PBK: variants seen among roughly 807,000 people sequenced by gnomAD.
The protein encoded by PBK is PDZ binding kinase, also known as lymphokine-activated killer T-cell-originated protein kinase.
PBK carries 22 observed loss-of-function variants against 33.5 expected under a neutral mutation model. That is an observed-to-expected ratio of 0.66 (90% confidence interval 0.47 to 0.94). The LOEUF (loss-of-function observed/expected upper bound fraction) is 0.94. Among genes scored for constraint, PBK ranks in the 40% least tolerant of loss-of-function variants. The pLI is 0.00. For synonymous variants in PBK, 129 were observed against 123.8 expected (o/e 1.04, Z -0.28); for missense variants, 376 against 383.4 (o/e 0.98, Z 0.16).
chr8:27,814,240 T>C (rs1038016658), intron 6 of PBK, among the ~76,000 whole-genome samples: 2 of 152,202 alleles, frequency 1.3e-5, no homozygotes, highest in African/African-American at 4.8e-5. Context: ...GTGGATTTCC[T>C]TTTCTTCCTA....
In PBK at chr8:27,823,061, A is replaced by G. The variant is rs777276596; in HGVS notation, c.295+2T>C. The G allele has an allele frequency of 3.1e-6, 5 of 1,587,680 alleles. No individual in the cohort carries two copies. The South Asian group carries it at 5.6e-5, about 18-fold the overall frequency. Reference sequence around the variant, plus strand: ...AGATACTGCTACCAAATTTAAACGTACCAACAATGTTTGGATGATGAAGGC... The same window carrying G: ...AGATACTGCTACCAAATTTAAACGTGCCAACAATGTTTGGATGATGAAGGC... On this transcript the variant is annotated splice_donor_variant, in intron 4 of 7. Transcript: ENST00000301905. LOFTEE classifies it high-confidence loss of function.
intron 2 of PBK, among the ~76,000 whole-genome samples, chr8:27,829,263 A>G (rs1256823186): frequency 2.0e-5 from 3 of 152,246 alleles, no homozygotes; most frequent in Non-Finnish European, 4.4e-5. Context: ...ATACAAGTCT[A>G]GGAACACTTC....
intron 2 of PBK, among the ~76,000 whole-genome samples, chr8:27,829,489 C>T (rs979310309): frequency 1.3e-5 from 2 of 152,216 alleles, no homozygotes; most frequent in African/African-American, 2.4e-5. Flanking sequence ...AAATCCAGTA[C>T]TAGACAATGC....
intron 6 of PBK, 74 bp from the exon 7 acceptor site, chr8:27,811,208 G>A: frequency 1.5e-6 from 2 of 1,357,498 alleles, no homozygotes; most frequent in Non-Finnish European, 2.1e-6. Flanking sequence ...AGGGAAACAG[G>A]CGAACGATTT....
At chr8:27,816,343 C>CTATATATATATATATATATATA (rs767822258) in intron 6 of PBK, among the ~76,000 whole-genome samples, 8 of 136,368 alleles carry the variant, frequency 5.9e-5, no homozygotes, top group Non-Finnish European at 7.7e-5. Flanking sequence ...TCATCGAATA[C>CTATATATATATATATATATATA]TATATATATA....
intron 1 of PBK, 37 bp downstream of exon 1, chr8:27,837,615 C>G (rs528483810): frequency 6.6e-6 from 1 of 152,260 alleles, no homozygotes; most frequent in Non-Finnish European, 1.5e-5. Flanking sequence ...CCGGGCTCGG[C>G]CCCCGCCAGG....
In PBK at chr8:27,810,013, T is replaced by C. The variant is rs1805638547; in HGVS notation, c.*292A>G. ...ATTAATAAAAGTAATGGTCATTCAA[T>C]TTAATGTTACAGTTTACAGCGTTTT... On this transcript the variant is annotated 3_prime_UTR_variant, in exon 8 of 8. Transcript: ENST00000301905. The C allele has an allele frequency of 3.1e-6, 1 of 325,416 alleles. No individual in the cohort carries two copies. Among genetic ancestry groups the C allele is most frequent in the Admixed American group, 4.9e-5 (1 of 20,398 alleles). 20.2% of individuals were successfully genotyped at this position (325,416 alleles called of 1,614,324 possible).
At position 27,810,082 on chromosome 8, in the gene PBK, A is replaced by T; in HGVS notation, c.*223T>A. On this transcript the variant is annotated 3_prime_UTR_variant, in exon 8 of 8. Coordinates refer to ENST00000301905, the MANE Select transcript of PBK (RefSeq NM_018492.4). ...CAGCATGAGCAGTATCAAAGTACTTATGTAGCTAGTTTCTAAAACTTTACA... is the reference window on the plus strand; with the variant it reads ...CAGCATGAGCAGTATCAAAGTACTTTTGTAGCTAGTTTCTAAAACTTTACA... 4.0e-6 allele frequency: 2 copies of T among 506,066 alleles called. No individual in the cohort carries two copies. The highest frequency in any genetic ancestry group is 6.9e-6 in the Non-Finnish European group (2 of 289,550). 31.3% of individuals were successfully genotyped at this position (506,066 alleles called of 1,614,324 possible). A position where few individuals can be genotyped will look rare whatever the true frequency, so the allele number is the denominator to read the frequency against.
At chr8:27,824,339 T>A (rs1805987348) in intron 3 of PBK, among the ~76,000 whole-genome samples, 2 of 152,044 alleles carry the variant, frequency 1.3e-5, no homozygotes, top group Admixed American at 1.3e-4. Flanking sequence ...ATCTATCGAA[T>A]AAGAATAGAT....
rs373932396 is a variant in PBK at position 27,836,244 on chromosome 8, G to A, written c.-21+1408C>T. Among the ~76,000 whole-genome samples, 8 of 152,006 alleles carry A rather than the reference G, an allele frequency of 5.3e-5. No individual in the cohort carries two copies. In the East Asian group the frequency reaches 1.2e-3, roughly 22 times the overall value. The stretch of plus-strand genomic sequence containing the variant: ...AAAGACCTGAGGCAGAAATCTTCAC[G>A]AAGAGGCGAGCTAGCAAGGGGGAGA... On this transcript the variant is annotated intron_variant, in intron 1 of 7. Coordinates refer to ENST00000301905, the MANE Select transcript of PBK (RefSeq NM_018492.4).
chr8:27,814,533 T>C lies in PBK; in HGVS notation c.596-3399A>G, dbSNP rs144380378. Among the ~76,000 whole-genome samples, 113 of 152,262 alleles carry C rather than the reference T, an allele frequency of 7.4e-4. 1 individual carries two copies. In the East Asian group the frequency reaches 0.018, roughly 25 times the overall value. On this transcript the variant is annotated intron_variant, in intron 6 of 7. Coordinates refer to ENST00000301905, the MANE Select transcript of PBK (RefSeq NM_018492.4). ...TTTTTATTTCATTGATTTCTGCTCA[T>C]AGCTTTATTCCCTTCCTTTGGATTT...
intron 6 of PBK, among the ~76,000 whole-genome samples, chr8:27,820,300 C>T (rs759344609): frequency 5.9e-5 from 9 of 152,040 alleles, no homozygotes; most frequent in Non-Finnish European, 1.0e-4. Context: ...CTTAAAGATC[C>T]CAATCCAGTT....
intron 3 of PBK, among the ~76,000 whole-genome samples, chr8:27,826,885 A>T (rs1223276223): frequency 1.4e-5 from 2 of 145,598 alleles, no homozygotes; most frequent in Non-Finnish European, 3.1e-5. Flanking sequence ...CTTTACATTT[A>T]AAAACTTTTT....
chr8:27,830,715 A>T (rs1806113394), intron 2 of PBK, among the ~76,000 whole-genome samples: 1 of 152,078 alleles, frequency 6.6e-6, no homozygotes, highest in Non-Finnish European at 1.5e-5. Flanking sequence ...AATAATCCAA[A>T]TTTAAATAAC....
chr8:27,810,911 G>A (rs1331791285), intron 7 of PBK, 47 bp downstream of exon 7: 7 of 1,175,910 alleles, frequency 6.0e-6, no homozygotes, highest in South Asian at 1.2e-5. Flanking sequence ...ATAATCTTTA[G>A]TGTGAAATGA....
At chr8:27,812,104 G>A (rs1290036101) in intron 6 of PBK, 1 of 151,972 alleles carries the variant, frequency 6.6e-6, no homozygotes, top group Non-Finnish European at 1.5e-5. Context: ...AGGGCTATAG[G>A]ACTGCTAAAT....
chr8:27,836,702 C>T (rs1438470275), intron 1 of PBK, among the ~76,000 whole-genome samples: 2 of 152,090 alleles, frequency 1.3e-5, no homozygotes, highest in African/African-American at 4.8e-5. Flanking sequence ...TTTTCCCGCT[C>T]ACTCTACGGA....
At chr8:27,811,167 G>A in intron 6 of PBK, 33 bp from the exon 7 acceptor site, 1 of 1,609,412 alleles carries the variant, frequency 6.2e-7, no homozygotes, top group Non-Finnish European at 8.5e-7. Context: ...GAAGGCAGGA[G>A]CTACAAATCA....
intron 6 of PBK, among the ~76,000 whole-genome samples, chr8:27,814,081 G>A (rs1436053374): frequency 1.3e-5 from 2 of 152,100 alleles, no homozygotes; most frequent in Admixed American, 1.3e-4. Flanking sequence ...AAAACAGACT[G>A]GGCAGAGGTC....
Sources: allele counts gnomAD v4.1 joint callset (sites outside exome capture counted in the v4.1 genomes callset), GRCh38; gene constraint gnomAD v4.1.1; transcripts MANE v1.5; gene names NCBI Gene and HGNC (gene_info 2026-07-23, HGNC 2026-07-21).